Variants in SLCO1A2 observed in about 807,000 individuals in gnomAD.
SLCO1A2 encodes solute carrier organic anion transporter family member 1A2.
Under a neutral mutation model 69.0 loss-of-function variants are expected in SLCO1A2, and 67 were observed. The observed-to-expected ratio is 0.97, with a 90% CI of 0.80 to 1.19. The LOEUF (loss-of-function observed/expected upper bound fraction) is 1.19. SLCO1A2 is among the 50% of genes most tolerant of loss of function. The probability of loss-of-function intolerance (pLI) is 0.00; values close to 1 mark genes in which losing one functional copy is unlikely to be tolerated. For synonymous variants in SLCO1A2, 260 were observed against 265.9 expected (o/e 0.98, Z 0.22); for missense variants, 787 against 793.7 (o/e 0.99, Z 0.10).
intron 13 of SLCO1A2, chr12:21,275,076 CTTGT>C: frequency 5.8e-6 from 6 of 1,030,886 alleles, no homozygotes; most frequent in Non-Finnish European, 7.0e-6. Context: ...ATAATATTAC[CTTGT>C]TTATCTAGTA....
intron 2 of SLCO1A2, among the ~76,000 whole-genome samples, chr12:21,370,708 A>G (rs1486536616): frequency 6.6e-6 from 1 of 152,218 alleles, no homozygotes; most frequent in Non-Finnish European, 1.5e-5. Context: ...CAATGTAGGT[A>G]ATAAGCAAGT....
At position 21,292,296 on chromosome 12, in the gene SLCO1A2, G is replaced by A; in HGVS notation, c.1478C>T (p.Ser493Leu). 1 of 1,611,784 alleles carries A rather than the reference G, an allele frequency of 6.2e-7. No individual in the cohort carries two copies. The highest frequency in any genetic ancestry group is 8.5e-7 in the Non-Finnish European group (1 of 1,178,570). The stretch of plus-strand genomic sequence containing the variant: ...GTCGCACAGCCCAAGAACTGCAGAT[G>A]AATTTCCTGATGTTTGAATACAGCT... ...NCSCIQTSGN[S>L]SAVLGLCDKG... The change falls in exon 12 of 15, where the codon TCA (serine) becomes TTA (leucine). Residue 493 changes from serine (S) to leucine (L), a missense_variant. Coordinates refer to ENST00000683939, the MANE Select transcript of SLCO1A2 (RefSeq NM_001386879.1).
At chr12:21,342,886 T>C (rs1241581073) in intron 2 of SLCO1A2, among the ~76,000 whole-genome samples, 1 of 152,016 alleles carries the variant, frequency 6.6e-6, no homozygotes. Context: ...AGCTTGATAG[T>C]ACCAGTACTT....
At chr12:21,322,051 A>T (rs1951701880) in intron 2 of SLCO1A2, among the ~76,000 whole-genome samples, 1 of 152,238 alleles carries the variant, frequency 6.6e-6, no homozygotes, top group Non-Finnish European at 1.5e-5. Flanking sequence ...CAGAATAAGT[A>T]TCAAAAACAT....
intron 4 of SLCO1A2, among the ~76,000 whole-genome samples, chr12:21,310,109 T>C (rs1347653035): frequency 6.6e-6 from 1 of 152,214 alleles, no homozygotes; most frequent in African/African-American, 2.4e-5. Context: ...TTTACATAAT[T>C]ATACAAATGT....
At chr12:21,340,747 T>C (rs1953040969) in intron 2 of SLCO1A2, among the ~76,000 whole-genome samples, 2 of 151,928 alleles carry the variant, frequency 1.3e-5, no homozygotes, top group South Asian at 4.1e-4. Context: ...GCAATACTTG[T>C]CTGTCTCGGG....
Position 21,304,457 on chromosome 12 carries a change from C to T in SLCO1A2, c.559G>A (p.Ala187Thr), listed in dbSNP as rs750165758. Residue 187 changes from alanine (A) to threonine (T), a missense_variant, in exon 6 of 15, where the codon GCC becomes ACC. Ala to Thr is a moderately conservative substitution (Grantham distance 58). Transcript: ENST00000683939. ...PLGISYIEDF[A>T]KFENSPLYIG... is the part of the protein sequence containing the mutation. ...TATAAAGGAGAATTTTCAAATTTGG[C>T]AAAATCTTCTATATAGGAAATACCC... 4.7e-5 allele frequency: 76 copies of T among 1,612,194 alleles called. No homozygotes were observed. Among genetic ancestry groups the T allele is most frequent in the Middle Eastern group, 1.6e-4 (1 of 6,078 alleles).
Position 21,318,825 on chromosome 12 carries a change from G to A in SLCO1A2, c.159C>T (p.Ile53=). The change falls in exon 3 of 15, where the codon ATC becomes ATT. Residue 53 remains isoleucine, a synonymous_variant. Transcript: ENST00000683939. ...TAATGAATCCAACTAGAGATGTTGG[G>A]ATGTTGAATTGTCTCTCTATTTGTG... is the stretch of plus-strand genomic sequence containing the variant. The part of the protein sequence containing the change: ...MLTQIERQFN[I]PTSLVGFING... 6.2e-7 allele frequency: 1 copy of A among 1,610,114 alleles called. No homozygotes were observed. The highest frequency in any genetic ancestry group is 8.5e-7 in the Non-Finnish European group (1 of 1,178,260).
At chr12:21,347,435 C>T (rs1953290143) in intron 2 of SLCO1A2, among the ~76,000 whole-genome samples, 1 of 152,102 alleles carries the variant, frequency 6.6e-6, no homozygotes, top group African/African-American at 2.4e-5. Flanking sequence ...CACCTGAGGT[C>T]AGGAGTTCAA....
At chr12:21,410,122 A>G (rs1341382521) in intron 1 of SLCO1A2, among the ~76,000 whole-genome samples, 3 of 152,132 alleles carry the variant, frequency 2.0e-5, no homozygotes, top group South Asian at 4.1e-4. Context: ...CAATAAACCA[A>G]ATCTAAGAGT....
At chr12:21,299,776 A>ATATATATATATATATATGTGTG (rs1948340256) in intron 8 of SLCO1A2, among the ~76,000 whole-genome samples, 2 of 111,022 alleles carry the variant, frequency 1.8e-5, no homozygotes, top group Admixed American at 8.2e-5. Flanking sequence ...GTGTGTATAT[A>ATATATATATATATATATGTGTG]TATATATATA....
chr12:21,309,983 T>C (rs1253452382), intron 4 of SLCO1A2, among the ~76,000 whole-genome samples: 1 of 152,160 alleles, frequency 6.6e-6, no homozygotes, highest in Non-Finnish European at 1.5e-5. Context: ...GATGAATTCG[T>C]GAACAATACA....
chr12:21,360,127 G>A (rs368635773), intron 2 of SLCO1A2, among the ~76,000 whole-genome samples: 1 of 152,250 alleles, frequency 6.6e-6, no homozygotes, highest in East Asian at 1.9e-4. Context: ...GCAGTTACCT[G>A]AGGAGTGGGT....
Position 21,268,830 on chromosome 12 carries a change from T to C in SLCO1A2, c.*718A>G, listed in dbSNP as rs146227079. 13 of 152,156 alleles carry C rather than the reference T, an allele frequency of 8.5e-5. No individual in the cohort carries two copies. In the East Asian group the frequency reaches 2.5e-3, roughly 29 times the overall value. The allele number at this position is 152,156 out of a possible 1,614,324, so 9.4% of individuals were successfully genotyped here. On this transcript the variant is annotated 3_prime_UTR_variant, in exon 15 of 15. Coordinates refer to ENST00000683939, the MANE Select transcript of SLCO1A2 (RefSeq NM_001386879.1). ...TCCTTTCATCCTTTGATTCAGACAC[T>C]TGTTTGTAAGAAAAACTTTAGTCAC...
chr12:21,302,109 A>G (rs1948786009), intron 6 of SLCO1A2, among the ~76,000 whole-genome samples: 1 of 152,068 alleles, frequency 6.6e-6, no homozygotes, highest in African/African-American at 2.4e-5. Context: ...TGCGCGTTCA[A>G]TTTCCCCGTA....
intron 5 of SLCO1A2, among the ~76,000 whole-genome samples, chr12:21,305,202 A>G (rs1286916145): frequency 6.6e-6 from 1 of 152,240 alleles, no homozygotes; most frequent in Non-Finnish European, 1.5e-5. Flanking sequence ...TTGGAGCCGC[A>G]GCTGCTTAGT....
chr12:21,403,438 A>C (rs1363751280), intron 1 of SLCO1A2: 8 of 152,084 alleles, frequency 5.3e-5, no homozygotes, highest in Admixed American at 5.2e-4. Context: ...CACCAACATC[A>C]CCATTCATTT....
intron 2 of SLCO1A2, among the ~76,000 whole-genome samples, chr12:21,348,548 T>C (rs1191766536): frequency 6.6e-6 from 1 of 152,202 alleles, no homozygotes; most frequent in Non-Finnish European, 1.5e-5. Context: ...TAATCTTCAG[T>C]TCCATTCATG....
At chr12:21,325,313 T>G (rs1305839548) in intron 2 of SLCO1A2, among the ~76,000 whole-genome samples, 1 of 151,674 alleles carries the variant, frequency 6.6e-6, no homozygotes, top group Non-Finnish European at 1.5e-5. Context: ...GATATTTAGG[T>G]GAAGAAGTTA....
Sources: gnomAD v4.1 joint callset for allele counts (sites outside exome capture counted in the v4.1 genomes callset) on GRCh38, gnomAD v4.1.1 for gene constraint, MANE v1.5 for transcripts, NCBI Gene and HGNC (gene_info 2026-07-23, HGNC 2026-07-21) for gene names.